Variants in LIG1 observed in about 807,000 individuals in gnomAD.
The protein encoded by LIG1 is DNA ligase 1, also known as ligase I, DNA, ATP-dependent.
Under a neutral mutation model 115.7 loss-of-function variants are expected in LIG1, and 70 were observed. That is an observed-to-expected ratio of 0.60 (90% confidence interval 0.50 to 0.74). LIG1 has a LOEUF of 0.74. Among genes scored for constraint, LIG1 ranks in the 30% least tolerant of loss-of-function variants. The pLI is 0.00. For missense variants in LIG1, 1,115 were observed against 1,225.6 expected (o/e 0.91, Z 1.35); for synonymous variants, 487 against 495.3 (o/e 0.98, Z 0.22).
intron 3 of LIG1, 60 bp downstream of exon 3, chr19:48,162,202 A>G (rs2036219218): frequency 2.0e-6 from 3 of 1,492,530 alleles, no homozygotes; most frequent in Non-Finnish European, 2.8e-6. Context: ...AACACTTGCA[A>G]CCAAGACAAT....
chr19:48,128,095 A>T (rs945704077), intron 19 of LIG1, 75 bp from the exon 20 acceptor site: 15 of 1,180,402 alleles, frequency 1.3e-5, no homozygotes, highest in Non-Finnish European at 1.7e-5. Flanking sequence ...CGGGGAGATA[A>T]ATTCCCTTTT....
rs77576533 is a variant in LIG1 at position 48,160,654 on chromosome 19, G to A, written c.243+718C>T. On this transcript the variant is annotated intron_variant, in intron 4 of 27. Coordinates refer to ENST00000263274, the MANE Select transcript of LIG1 (RefSeq NM_000234.3). ...ATTAAATGACTTAAACAGGGGAAGA[G>A]AGTGGTCCAATGTATTTGGAGAAGT... Among the ~76,000 whole-genome samples, 1,254 of 152,250 alleles carry A rather than the reference G, an allele frequency of 8.2e-3. 13 individuals carry two copies. The highest frequency in any genetic ancestry group is 0.028 in the African/African-American group (1,183 of 41,530).
At chr19:48,120,669 T>G in intron 24 of LIG1, 1 of 600,180 alleles carries the variant, frequency 1.7e-6, no homozygotes, top group Non-Finnish European at 2.1e-6. Flanking sequence ...GCAGAAGGTG[T>G]TCACTGGCTG....
chr19:48,154,049 G>T, intron 5 of LIG1, 82 bp from the exon 6 acceptor site: 2 of 1,159,290 alleles, frequency 1.7e-6, no homozygotes, highest in Non-Finnish European at 2.6e-6. Context: ...CACTGATGTA[G>T]CCTCTGGAAG....
chr19:48,143,708 A>G, intron 10 of LIG1, 109 bp from the exon 11 acceptor site: 1 of 1,113,870 alleles, frequency 9.0e-7, no homozygotes, highest in Non-Finnish European at 1.4e-6. Context: ...GCCAATACCC[A>G]AATGCATGAG....
intron 14 of LIG1, among the ~76,000 whole-genome samples, chr19:48,136,504 G>A (rs996204060): frequency 6.6e-6 from 1 of 152,176 alleles, no homozygotes; most frequent in Non-Finnish European, 1.5e-5. Context: ...TTGAGCCAGT[G>A]GCAGGAGACA....
rs1291526901 is a variant in LIG1 at position 48,165,402 on chromosome 19, T to C, written c.17+148A>G. ...CTGTCTTCCATATCCCACGGCTCAT[T>C]TTCCATACTACTTGACTCCTGGAAA... On this transcript the variant is annotated intron_variant, in intron 2 of 27. Coordinates refer to ENST00000263274, the MANE Select transcript of LIG1 (RefSeq NM_000234.3). The C allele has an allele frequency of 4.1e-6, 3 of 739,200 alleles. No individual in the cohort carries two copies. In the Admixed American group the frequency reaches 6.0e-5, roughly 15 times the overall value. 45.8% of individuals were successfully genotyped at this position (739,200 alleles called of 1,614,324 possible).
chr19:48,160,796 A>C (rs1263709277), intron 4 of LIG1, among the ~76,000 whole-genome samples: 1 of 151,896 alleles, frequency 6.6e-6, no homozygotes, highest in Admixed American at 6.6e-5. Flanking sequence ...ACAGTGGTAC[A>C]ATCACAGTTC....
At chr19:48,161,219 A>T (rs2036157549) in intron 4 of LIG1, 153 bp downstream of exon 4, 1 of 1,108,718 alleles carries the variant, frequency 9.0e-7, no homozygotes. Flanking sequence ...AATTAGGACC[A>T]GGTTGTGTCT....
Position 48,117,731 on chromosome 19 carries a change from C to CA in LIG1, c.2489dup (p.Ile831AspfsTer18). The CA allele has an allele frequency of 6.2e-7, 1 of 1,613,162 alleles. No homozygotes were observed. The highest frequency in any genetic ancestry group is 8.5e-7 in the Non-Finnish European group (1 of 1,179,810). On this transcript the variant is annotated frameshift_variant, in exon 26 of 28. Transcript: ENST00000263274. LOFTEE classifies it high-confidence loss of function. ...TGGGGTCCAGCCAGTGGTCGGGAAT[C>CA]ACAGCGCCATCTATCCGCACGTAAG...
chr19:48,117,513 C>G, intron 26 of LIG1, 125 bp downstream of exon 26: 5 of 1,074,778 alleles, frequency 4.7e-6, no homozygotes, highest in Non-Finnish European at 6.8e-6. Context: ...AAATAAAATG[C>G]AAGCTCATCT....
At chr19:48,136,899 AT>A (rs2034426246) in intron 14 of LIG1, 108 bp downstream of exon 14, 2 of 907,684 alleles carry the variant, frequency 2.2e-6, no homozygotes, top group Non-Finnish European at 3.6e-6. Flanking sequence ...TGCTTTTCTC[AT>A]CCAAGGATGG....
intron 11 of LIG1, 106 bp from the exon 12 acceptor site, chr19:48,140,249 G>T: frequency 1.3e-6 from 1 of 758,182 alleles, no homozygotes; most frequent in South Asian, 1.6e-5. Context: ...AATGGAGAAA[G>T]AAGAGGAAAG....
At chr19:48,144,083 A>G in intron 9 of LIG1, 120 bp from the exon 10 acceptor site, 1 of 857,936 alleles carries the variant, frequency 1.2e-6, no homozygotes, top group Non-Finnish European at 2.0e-6. Context: ...GGATGAAAAC[A>G]AAGTTTGCTA....
rs1265801888 is a variant in LIG1, at chr19:48,122,327, T to G, written c.2232+607A>C. ...AACCCCCACTGACTTCCTGAAACCTTCAAGAGGAAGATCCAGTTTTATCTC... is the reference window on the plus strand; with the variant it reads ...AACCCCCACTGACTTCCTGAAACCTGCAAGAGGAAGATCCAGTTTTATCTC... On this transcript the variant is annotated intron_variant, in intron 23 of 27. Transcript: ENST00000263274. This position sits in a 1 kb window ranked among gnomAD's most constrained non-coding sequence, Gnocchi z 4.3. 1.2e-5 allele frequency: 2 copies of G among 160,016 alleles called. No individual in the cohort carries two copies. The highest frequency in any genetic ancestry group is 4.8e-5 in the African/African-American group (2 of 41,506). 9.9% of individuals were successfully genotyped at this position (160,016 alleles called of 1,614,324 possible).
chr19:48,145,000 A>T (rs274898), intron 9 of LIG1, among the ~76,000 whole-genome samples: 97,167 of 151,982 alleles, frequency 0.64, 32,599 homozygotes, highest in East Asian at 0.87. Context: ...CTCAACCTCC[A>T]GGGCTCAAGG....
chr19:48,135,858 A>T, intron 15 of LIG1, 79 bp from the exon 16 acceptor site: 1 of 1,346,492 alleles, frequency 7.4e-7, no homozygotes, highest in Non-Finnish European at 1.1e-6. Flanking sequence ...GGTTTGCTGT[A>T]TGGCAAGGAA....
At chr19:48,156,042 G>A (rs773178104) in intron 5 of LIG1, among the ~76,000 whole-genome samples, 3 of 152,154 alleles carry the variant, frequency 2.0e-5, no homozygotes, top group Non-Finnish European at 4.4e-5. Flanking sequence ...CTCTCGCCCT[G>A]TTCTTACCCC....
In LIG1 at chr19:48,143,572, C is replaced by T. The variant is rs1418718278; in HGVS notation, c.885G>A (p.Thr295=). 1.9e-6 allele frequency: 3 copies of T among 1,575,346 alleles called. No individual in the cohort carries two copies. The highest frequency in any genetic ancestry group is 1.7e-5 in the Admixed American group (1 of 58,076). ...QKVPYLAVAR[T]FEKIEEVSAR... The stretch of plus-strand genomic sequence containing the variant: ...CAGACACCTCCTCGATCTTCTCAAA[C>T]GTCCGGGCCACAGCCAGGTAAGGAA... Residue 295 remains threonine, a synonymous_variant, in exon 11 of 28, where the codon ACG becomes ACA. Coordinates refer to ENST00000263274, the MANE Select transcript of LIG1 (RefSeq NM_000234.3).
Sources: gnomAD v4.1 joint callset for allele counts (sites outside exome capture counted in the v4.1 genomes callset) on GRCh38, gnomAD v4.1.1 for gene constraint, Gnocchi (gnomAD v3.1) non-coding constraint, MANE v1.5 for transcripts, NCBI Gene and HGNC (gene_info 2026-07-23, HGNC 2026-07-21) for gene names.